The following DIPK1A variants were observed in gnomAD, a reference collection of about 807,000 sequenced individuals.
DIPK1A encodes the protein divergent protein kinase domain 1A, also known as family with sequence similarity 69 member A.
A neutral mutation model predicts 40.8 loss-of-function variants in DIPK1A; 27 were observed. The observed-to-expected ratio is 0.66, with a 90% confidence interval of 0.49 to 0.91. The LOEUF is 0.91. Ranked by LOEUF, DIPK1A falls within the 40% of genes least tolerant of loss-of-function variation. DIPK1A has a pLI of 0.00. For synonymous variants in DIPK1A, 166 were observed against 171.3 expected (o/e 0.97, Z 0.24); for missense variants, 412 against 505.7 (o/e 0.81, Z 1.78).
At chr1:92,836,366 G>A in intron 4 of DIPK1A, 1 of 1,614,150 alleles carries the variant, frequency 6.2e-7, no homozygotes, top group Non-Finnish European at 8.5e-7. Context: ...AGGGAGCTGT[G>A]GATGGAGGCT....
chr1:92,845,707 G>A (rs1468152072), intron 4 of DIPK1A, among the ~76,000 whole-genome samples: 11 of 151,744 alleles, frequency 7.2e-5, no homozygotes, highest in Non-Finnish European at 1.3e-4. Context: ...GTGGTGGCGG[G>A]TGCCTGTAAT....
chr1:92,867,045 G>A (rs150666205), intron 2 of DIPK1A, among the ~76,000 whole-genome samples: 77 of 152,230 alleles, frequency 5.1e-4, no homozygotes, highest in African/African-American at 1.7e-3. Context: ...CATTTACCAT[G>A]TGTCAGACAC....
At chr1:92,856,016 G>A (rs1354413690) in intron 2 of DIPK1A, among the ~76,000 whole-genome samples, 2 of 152,156 alleles carry the variant, frequency 1.3e-5, no homozygotes, top group South Asian at 2.1e-4. Flanking sequence ...GGTCAAGGCT[G>A]CAGTGAAATG....
intron 4 of DIPK1A, chr1:92,835,043 C>G: frequency 7.6e-7 from 1 of 1,310,186 alleles, no homozygotes; most frequent in Admixed American, 1.7e-5. Flanking sequence ...CAGTTTTCTG[C>G]TTTGTTAATG....
chr1:92,908,903 G>A (rs1649726486), intron 1 of DIPK1A, among the ~76,000 whole-genome samples: 1 of 152,114 alleles, frequency 6.6e-6, no homozygotes, highest in Non-Finnish European at 1.5e-5. Context: ...AGGTGGGACA[G>A]CTTCTACCAG....
At chr1:92,925,254 C>A (rs374085394) in intron 1 of DIPK1A, among the ~76,000 whole-genome samples, 1 of 152,102 alleles carries the variant, frequency 6.6e-6, no homozygotes, top group Non-Finnish European at 1.5e-5. Context: ...TTTAACTTTT[C>A]ATAATGTCTT....
intron 1 of DIPK1A, chr1:92,932,097 AC>A: frequency 5.3e-6 from 2 of 374,356 alleles, no homozygotes; most frequent in Non-Finnish European, 1.1e-5. Flanking sequence ...ATTAAAATAT[AC>A]CAGGGTGGTA....
intron 1 of DIPK1A, among the ~76,000 whole-genome samples, chr1:92,954,538 C>A (rs917017667): frequency 6.6e-6 from 1 of 151,852 alleles, no homozygotes; most frequent in African/African-American, 2.4e-5. Flanking sequence ...CCATACCCGG[C>A]TATTTTTTGT....
intron 1 of DIPK1A, among the ~76,000 whole-genome samples, chr1:92,889,776 T>G (rs920232868): frequency 6.6e-6 from 1 of 152,108 alleles, no homozygotes; most frequent in Non-Finnish European, 1.5e-5. Flanking sequence ...GCCTCCCAAA[T>G]AGCTGAGACT....
downstream of DIPK1A, chr1:92,837,445 C>T: frequency 1.2e-6 from 2 of 1,609,922 alleles, no homozygotes; most frequent in South Asian, 1.1e-5. Context: ...ATATGAATAA[C>T]TTTATTTTAG....
At chr1:92,899,534 T>C (rs1649323415) in intron 1 of DIPK1A, among the ~76,000 whole-genome samples, 1 of 152,222 alleles carries the variant, frequency 6.6e-6, no homozygotes, top group African/African-American at 2.4e-5. Context: ...GGGGATTTAA[T>C]CTATTTCTCT....
downstream of DIPK1A, among the ~76,000 whole-genome samples, chr1:92,838,996 T>C (rs1687231096): frequency 4.0e-5 from 6 of 150,926 alleles, no homozygotes; most frequent in Middle Eastern, 3.4e-3. Flanking sequence ...TAGTCTGTAG[T>C]GGGCTATAAT....
intron 3 of DIPK1A, among the ~76,000 whole-genome samples, chr1:92,849,711 G>A (rs750164903): frequency 1.1e-4 from 16 of 151,862 alleles, no homozygotes; most frequent in Admixed American, 9.2e-4. Flanking sequence ...AGGGGGTATC[G>A]CAATGTTGCT....
At position 92,961,358 on chromosome 1, in the gene DIPK1A, G is replaced by A; in HGVS notation, c.54+18C>T. The A allele has an allele frequency of 6.7e-7, 1 of 1,499,330 alleles. No individual in the cohort carries two copies. The highest frequency in any genetic ancestry group is 8.9e-7 in the Non-Finnish European group (1 of 1,118,928). The allele number at this position is 1,499,330 out of a possible 1,614,324, so 92.9% of individuals were successfully genotyped here. A position where few individuals can be genotyped will look rare whatever the true frequency, so the allele number is the denominator to read the frequency against. ...CCGGGTGCTCCCGCAGCTGGTGGCTGGGCGGCCGCCGGCCTACCTGGAGGT... is the reference window on the plus strand; with the variant it reads ...CCGGGTGCTCCCGCAGCTGGTGGCTAGGCGGCCGCCGGCCTACCTGGAGGT... On this transcript the variant is annotated intron_variant, in intron 1 of 4. Coordinates refer to ENST00000370310, the MANE Select transcript of DIPK1A (RefSeq NM_001006605.5).
intron 2 of DIPK1A, among the ~76,000 whole-genome samples, chr1:92,860,602 C>CAGT: frequency 7.1e-6 from 1 of 140,136 alleles, no homozygotes; most frequent in South Asian, 2.3e-4. Flanking sequence ...CCAGCCTGGC[C>CAGT]AACTTGGTGA....
chr1:92,948,001 C>G (rs960655665), intron 1 of DIPK1A, among the ~76,000 whole-genome samples: 1 of 152,080 alleles, frequency 6.6e-6, no homozygotes, highest in African/African-American at 2.4e-5. Flanking sequence ...TAGAGTGACT[C>G]TAGTTAACAA....
intron 1 of DIPK1A, among the ~76,000 whole-genome samples, chr1:92,896,786 A>G (rs1197650489): frequency 6.6e-6 from 1 of 152,096 alleles, no homozygotes; most frequent in Non-Finnish European, 1.5e-5. Context: ...AGAATCTACA[A>G]TGAACTCAAA....
intron 1 of DIPK1A, among the ~76,000 whole-genome samples, chr1:92,892,751 A>G (rs1557472694): frequency 6.6e-6 from 1 of 151,984 alleles, no homozygotes; most frequent in Non-Finnish European, 1.5e-5. Context: ...TAAAAACCTT[A>G]AAAAAAGATT....
chr1:92,844,808 A>C lies in DIPK1A; in HGVS notation c.475-613T>G, dbSNP rs369297050. The stretch of plus-strand genomic sequence containing the variant: ...AGTATTACAATAATGAAGATTAAAA[A>C]GTATTTCCGTTAGTCTGAAATACAT... On this transcript the variant is annotated intron_variant, in intron 4 of 4. Coordinates refer to ENST00000370310, the MANE Select transcript of DIPK1A (RefSeq NM_001006605.5). Among the ~76,000 whole-genome samples the C allele has an allele frequency of 1.4e-4, 21 of 152,354 alleles. No homozygotes were observed. The East Asian group carries it at 2.9e-3, about 21-fold the overall frequency.
Sources: gnomAD v4.1 joint callset for allele counts (sites outside exome capture counted in the v4.1 genomes callset) on GRCh38, gnomAD v4.1.1 for gene constraint, MANE v1.5 for transcripts, NCBI Gene and HGNC (gene_info 2026-07-23, HGNC 2026-07-21) for gene names.